Variants in GXYLT2 observed in about 807,000 individuals in gnomAD.
The protein encoded by GXYLT2 is glycosyltransferase 8 domain containing 4.
A neutral mutation model predicts 45.8 loss-of-function variants in GXYLT2; 53 were observed. The ratio of observed to expected loss-of-function variants is 1.16; its 90% CI spans 0.93 to 1.46. The LOEUF (loss-of-function observed/expected upper bound fraction) is 1.46. Ranked by LOEUF, GXYLT2 falls within the 40% of genes most tolerant of loss-of-function variation. GXYLT2 has a pLI of 0.00. For missense variants in GXYLT2, 551 were observed against 544.4 expected, an observed-to-expected ratio of 1.01 and a Z score of -0.12; for synonymous variants, 219 against 214.2, an observed-to-expected ratio of 1.02 and a Z score of -0.19.
At chr3:72,891,592 G>T (rs764441288) in intron 1 of GXYLT2, among the ~76,000 whole-genome samples, 19 of 152,314 alleles carry the variant, frequency 1.2e-4, no homozygotes, top group Non-Finnish European at 2.6e-4. Context: ...GGAAGCAGCA[G>T]TCCCAGTGCA....
At chr3:72,921,463 C>T (rs1052200895) in intron 2 of GXYLT2, among the ~76,000 whole-genome samples, 1 of 152,178 alleles carries the variant, frequency 6.6e-6, no homozygotes, top group African/African-American at 2.4e-5. Context: ...GACACAGTCT[C>T]GCTCTGTCAC....
rs535043386 is a variant in GXYLT2, at chr3:72,933,879, G to A, written c.600+11544G>A. 2.2e-4 allele frequency among the ~76,000 whole-genome samples: 33 copies of A among 151,850 alleles called. No homozygotes were observed. In the South Asian group the frequency reaches 3.1e-3, roughly 14 times the overall value. On this transcript the variant is annotated intron_variant, in intron 3 of 6. Transcript: ENST00000389617. ...TGATGGCCCCACTGCACTCCAACTCGGGCAACAGAGTGAGATCCTGTCTCA... is the reference window on the plus strand; with the variant it reads ...TGATGGCCCCACTGCACTCCAACTCAGGCAACAGAGTGAGATCCTGTCTCA...
chr3:72,899,200 G>A (rs1326435155), intron 1 of GXYLT2, among the ~76,000 whole-genome samples: 1 of 152,192 alleles, frequency 6.6e-6, no homozygotes, highest in East Asian at 1.9e-4. Flanking sequence ...ACACACACAC[G>A]TATACACATA....
intron 3 of GXYLT2, among the ~76,000 whole-genome samples, chr3:72,948,068 T>C (rs1710445708): frequency 6.6e-6 from 1 of 152,160 alleles, no homozygotes; most frequent in Non-Finnish European, 1.5e-5. Flanking sequence ...ATTCCTCTTT[T>C]AATAACTAAC....
At chr3:72,956,747 G>A (rs779405182) in intron 4 of GXYLT2, among the ~76,000 whole-genome samples, 22 of 151,850 alleles carry the variant, frequency 1.4e-4, no homozygotes, top group South Asian at 6.2e-4. Context: ...AAAGTTAGCC[G>A]GGCGTGATGG....
At chr3:72,919,024 T>C (rs1709785848) in intron 2 of GXYLT2, among the ~76,000 whole-genome samples, 1 of 152,212 alleles carries the variant, frequency 6.6e-6, no homozygotes. Flanking sequence ...CTCTCATTCA[T>C]TGCTGGTAAG....
chr3:72,956,035 G>T (rs1370634493), intron 4 of GXYLT2, among the ~76,000 whole-genome samples: 2 of 152,160 alleles, frequency 1.3e-5, no homozygotes, highest in Admixed American at 6.6e-5. Flanking sequence ...CCAAGATCAC[G>T]CCACTGTACT....
intron 3 of GXYLT2, among the ~76,000 whole-genome samples, chr3:72,924,860 G>T (rs1167263700): frequency 1.3e-5 from 2 of 152,060 alleles, no homozygotes; most frequent in Admixed American, 6.6e-5. Context: ...ATTTCTTATG[G>T]CTCAACGTAA....
At chr3:72,914,706 T>G (rs1003384835) in intron 2 of GXYLT2, among the ~76,000 whole-genome samples, 3 of 151,974 alleles carry the variant, frequency 2.0e-5, no homozygotes, top group African/African-American at 7.3e-5. Flanking sequence ...GTGGTGACAG[T>G]AGCTGGGGTT....
At chr3:72,903,490 G>A (rs1709445408) in intron 1 of GXYLT2, among the ~76,000 whole-genome samples, 1 of 152,178 alleles carries the variant, frequency 6.6e-6, no homozygotes. Context: ...GACCATAGCT[G>A]AACTATGGGT....
chr3:72,957,425 C>G, intron 5 of GXYLT2, 73 bp downstream of exon 5: 1 of 1,451,154 alleles, frequency 6.9e-7, no homozygotes, highest in Non-Finnish European at 9.3e-7. Context: ...ATTCCATGCC[C>G]GGGTTGCTAT....
intron 6 of GXYLT2, among the ~76,000 whole-genome samples, chr3:72,969,461 A>C (rs1710943569): frequency 6.6e-6 from 1 of 152,082 alleles, no homozygotes; most frequent in East Asian, 1.9e-4. Flanking sequence ...CTGGTAAATA[A>C]AGTCATATTG....
chr3:72,899,580 C>T (rs777331874), intron 1 of GXYLT2, among the ~76,000 whole-genome samples: 7 of 152,072 alleles, frequency 4.6e-5, no homozygotes, highest in Non-Finnish European at 8.8e-5. Flanking sequence ...AAATTTTTGT[C>T]GGGATTCATG....
At chr3:72,899,061 T>A (rs78035884) in intron 1 of GXYLT2, among the ~76,000 whole-genome samples, 1 of 152,160 alleles carries the variant, frequency 6.6e-6, no homozygotes, top group Non-Finnish European at 1.5e-5. Context: ...CTTACTTGTA[T>A]GTGGTTCCAA....
At chr3:72,900,025 A>G (rs1042348941) in intron 1 of GXYLT2, among the ~76,000 whole-genome samples, 2 of 152,200 alleles carry the variant, frequency 1.3e-5, no homozygotes, top group Non-Finnish European at 2.9e-5. Flanking sequence ...GAGTTAATTT[A>G]GCTTGACAGT....
rs1383423800 is a variant in GXYLT2 at position 72,976,474 on chromosome 3, G to T, written c.*1315G>T. ...TAATGTGTAAAAAACAAATAGTTCAGCTGCTTCTATTGGTAAGAAAATTCA... is the reference window on the plus strand; with the variant it reads ...TAATGTGTAAAAAACAAATAGTTCATCTGCTTCTATTGGTAAGAAAATTCA... On this transcript the variant is annotated 3_prime_UTR_variant, in exon 7 of 7. Coordinates refer to ENST00000389617, the MANE Select transcript of GXYLT2 (RefSeq NM_001080393.2). The T allele has an allele frequency of 6.6e-6, 1 of 152,186 alleles. No individual in the cohort carries two copies. Among genetic ancestry groups the T allele is most frequent in the African/African-American group, 2.4e-5 (1 of 41,446 alleles). The allele number at this position is 152,186 out of a possible 1,614,324, so 9.4% of individuals were successfully genotyped here.
At chr3:72,907,667 A>G in intron 1 of GXYLT2, among the ~76,000 whole-genome samples, 1 of 151,944 alleles carries the variant, frequency 6.6e-6, no homozygotes, top group South Asian at 2.1e-4. Context: ...TACCTTGATC[A>G]TTTTCAGATT....
chr3:72,901,133 A>C (rs1323732686), intron 1 of GXYLT2, among the ~76,000 whole-genome samples: 2 of 152,144 alleles, frequency 1.3e-5, no homozygotes, highest in African/African-American at 4.8e-5. Context: ...TATTAAAAAT[A>C]CAAAAATTAG....
At chr3:72,902,190 G>C (rs1709422046) in intron 1 of GXYLT2, among the ~76,000 whole-genome samples, 1 of 152,082 alleles carries the variant, frequency 6.6e-6, no homozygotes, top group South Asian at 2.1e-4. Flanking sequence ...ATTCCTGTAG[G>C]TATATAACTA....
Sources: allele counts gnomAD v4.1 joint callset (sites outside exome capture counted in the v4.1 genomes callset), GRCh38; gene constraint gnomAD v4.1.1; transcripts MANE v1.5; gene names NCBI Gene and HGNC (gene_info 2026-07-23, HGNC 2026-07-21).